Variants in CLEC4F observed in about 807,000 individuals in gnomAD.
CLEC4F encodes C-type lectin domain family 4 member F, also known as C-type (calcium dependent, carbohydrate-recognition domain) lectin, superfamily member 13.
Under a neutral mutation model 53.4 loss-of-function variants are expected in CLEC4F, and 45 were observed. That is an observed-to-expected ratio of 0.84 (90% CI 0.66 to 1.08). The LOEUF is 1.08. Ranked by LOEUF, CLEC4F falls within the 50% of genes least tolerant of loss-of-function variation. The probability of loss-of-function intolerance (pLI) is 0.00; values close to 1 mark genes in which losing one functional copy is unlikely to be tolerated. For synonymous variants in CLEC4F, 245 were observed against 257.5 expected, an observed-to-expected ratio of 0.95 and a Z score of 0.46; for missense variants, 753 against 698.2, an observed-to-expected ratio of 1.08 and a Z score of -0.88.
At chr2:70,820,735 A>C, upstream of CLEC4F, 1 of 512,688 alleles carries the variant, frequency 2.0e-6, no homozygotes, top group Non-Finnish European at 3.5e-6. Context: ...CATCTGCCCT[A>C]TTTTCTTCCT....
intron 5 of CLEC4F, chr2:70,811,572 G>T (rs183060048): frequency 6.2e-6 from 2 of 325,040 alleles, no homozygotes; most frequent in Non-Finnish European, 1.2e-5. Flanking sequence ...GAGCCAACAG[G>T]GGGGTAGGCA....
upstream of CLEC4F, among the ~76,000 whole-genome samples, chr2:70,822,717 C>T (rs1224879457): frequency 1.3e-5 from 2 of 152,244 alleles, no homozygotes; most frequent in African/African-American, 2.4e-5. Context: ...TTTTCTTTCA[C>T]TTTGGAAAGT....
intron 2 of CLEC4F, 41 bp downstream of exon 2, chr2:70,819,734 G>C (rs572112977): frequency 1.2e-4 from 172 of 1,428,314 alleles, no homozygotes; most frequent in Non-Finnish European, 1.6e-4. Flanking sequence ...TGTGCTGAAA[G>C]GAGAGAAAGT....
intron 5 of CLEC4F, chr2:70,811,087 A>G: frequency 1.5e-6 from 1 of 682,576 alleles, no homozygotes; most frequent in South Asian, 1.3e-5. Context: ...TGCAGCACCA[A>G]CAAGTGTGTG....
chr2:70,813,077 C>T (rs2104638726), intron 4 of CLEC4F, among the ~76,000 whole-genome samples: 1 of 152,364 alleles, frequency 6.6e-6, no homozygotes, highest in East Asian at 1.9e-4. Flanking sequence ...TCTTATAGCT[C>T]ATCCTGTGAG....
intron 5 of CLEC4F, among the ~76,000 whole-genome samples, chr2:70,811,657 C>G (rs868977181): frequency 6.6e-6 from 1 of 152,194 alleles, no homozygotes; most frequent in Non-Finnish European, 1.5e-5. Context: ...ATAAGGACCA[C>G]GACAGTGAGC....
chr2:70,823,967 T>A (rs1574388882), upstream of CLEC4F, among the ~76,000 whole-genome samples: 1 of 137,318 alleles, frequency 7.3e-6, no homozygotes, highest in Admixed American at 8.3e-5. Flanking sequence ...GAGGCGGAGG[T>A]GGCAGTGAGC....
Position 70,819,808 on chromosome 2 carries a change from A to C in CLEC4F, c.145T>G (p.Leu49Val), listed in dbSNP as rs1252743097. Residue 49 changes from leucine (L) to valine (V), a missense_variant, in exon 2 of 7, where the codon TTG (leucine) becomes GTG (valine). Physicochemically the swap from Leu to Val is conservative, Grantham distance 32. Coordinates refer to ENST00000272367, the MANE Select transcript of CLEC4F (RefSeq NM_173535.3). ...QATPAFMAVT[L>V]VFSLVTLFVV... ...AAGAGAGTCACAAGAGAGAAGACCA[A>C]GGTCACAGCCATAAATGCCGGGGTA... 1 of 1,606,156 alleles carries C rather than the reference A, an allele frequency of 6.2e-7. No homozygotes were observed. The highest frequency in any genetic ancestry group is 8.5e-7 in the Non-Finnish European group (1 of 1,176,656).
In CLEC4F at chr2:70,816,687, T is replaced by C. The variant is rs782190255; in HGVS notation, c.694A>G (p.Ser232Gly). Reference sequence around the variant, plus strand: ...GCCTGGGTATTTGCCGTTTCCAAACTGGCATTCAACATCTGAATTTCAGAG... The same window carrying C: ...GCCTGGGTATTTGCCGTTTCCAAACCGGCATTCAACATCTGAATTTCAGAG... Reference protein sequence around the residue: ...ANSEIQMLNASLETANTQAQL... With the variant: ...ANSEIQMLNAGLETANTQAQL... The change falls in exon 4 of 7, where the codon AGT becomes GGT. Residue 232 changes from serine (S) to glycine (G), a missense_variant. Ser to Gly is a moderately conservative substitution (Grantham distance 56, BLOSUM62 0). Transcript: ENST00000272367. 6.2e-7 allele frequency: 1 copy of C among 1,614,212 alleles called. No individual in the cohort carries two copies. Among genetic ancestry groups the C allele is most frequent in the Middle Eastern group, 1.6e-4 (1 of 6,062 alleles).
At chr2:70,821,324 T>C (rs1337105652), upstream of CLEC4F, among the ~76,000 whole-genome samples, 2 of 152,140 alleles carry the variant, frequency 1.3e-5, no homozygotes, top group Non-Finnish European at 2.9e-5. Flanking sequence ...TGACACAGGG[T>C]GGACCCTTAG....
chr2:70,808,946 C>A lies in CLEC4F; in HGVS notation c.*325G>T. The A allele has an allele frequency of 1.2e-6, 1 of 866,510 alleles. No individual in the cohort carries two copies. Among genetic ancestry groups the A allele is most frequent in the Non-Finnish European group, 1.8e-6 (1 of 555,242 alleles). 53.7% of individuals were successfully genotyped at this position (866,510 alleles called of 1,614,324 possible). A position where few individuals can be genotyped will look rare whatever the true frequency, so the allele number is the denominator to read the frequency against. ...GCCTGCCCTCAGGCCACACCCTGGCCCATGGGCTTCTTGCACACCCACTGA... is the reference window on the plus strand; with the variant it reads ...GCCTGCCCTCAGGCCACACCCTGGCACATGGGCTTCTTGCACACCCACTGA... On this transcript the variant is annotated 3_prime_UTR_variant, in exon 7 of 7. Transcript: ENST00000272367.
At chr2:70,815,970 A>G in intron 4 of CLEC4F, 24 bp downstream of exon 4, 1 of 1,598,110 alleles carries the variant, frequency 6.3e-7, no homozygotes, top group Non-Finnish European at 8.5e-7. Flanking sequence ...CCCTCCCCAA[A>G]CGCGACTCCC....
chr2:70,811,222 G>T, intron 5 of CLEC4F: 1 of 798,824 alleles, frequency 1.3e-6, no homozygotes. Context: ...AAGTTTGACA[G>T]CAAGTCCAAT....
upstream of CLEC4F, among the ~76,000 whole-genome samples, chr2:70,824,046 GAA>G (rs1187004796): frequency 2.7e-5 from 2 of 75,084 alleles, no homozygotes; most frequent in Admixed American, 1.5e-4. Flanking sequence ...AAGAAAGAAA[GAA>G]AGAAAGAAAG....
chr2:70,816,062 T>A lies in CLEC4F; in HGVS notation c.1319A>T (p.Gln440Leu), dbSNP rs1553395695. The A allele has an allele frequency of 1.9e-6, 3 of 1,614,234 alleles. No individual in the cohort carries two copies. Among genetic ancestry groups the A allele is most frequent in the Admixed American group, 3.3e-5 (2 of 60,032 alleles). ...GAGGGTCTTCAGGCGACTCTGCTCC[T>A]GCTGGATTTCCATGGTTAGAGCTTT... The part of the protein sequence containing the change: ...NTKALTMEIQ[Q>L]EQSRLKTLHV... Residue 440 changes from glutamine (Q) to leucine (L), a missense_variant, in exon 4 of 7, where the codon CAG (glutamine) becomes CTG (leucine). Coordinates refer to ENST00000272367, the MANE Select transcript of CLEC4F (RefSeq NM_173535.3).
Position 70,809,047 on chromosome 2 carries a change from C to T in CLEC4F, c.*224G>A, listed in dbSNP as rs1447105504. ...GTCTTCAGTCTGCCCATTCTTGTGC[C>T]GCCAGTTGTCAGACTGATTCTTTTC... On this transcript the variant is annotated 3_prime_UTR_variant, in exon 7 of 7. Transcript: ENST00000272367. The T allele has an allele frequency of 1.8e-5, 28 of 1,517,822 alleles. No individual in the cohort carries two copies. The highest frequency in any genetic ancestry group is 8.4e-5 in the South Asian group (7 of 83,314). 94.0% of individuals were successfully genotyped at this position (1,517,822 alleles called of 1,614,324 possible). A position where few individuals can be genotyped will look rare whatever the true frequency, so the allele number is the denominator to read the frequency against.
chr2:70,809,893 T>G (rs1440892979), intron 5 of CLEC4F, 36 bp from the exon 6 acceptor site: 2 of 1,468,974 alleles, frequency 1.4e-6, no homozygotes, highest in African/African-American at 2.8e-5. Context: ...TGCCCCTGTG[T>G]GTGGGGAGCC....
intron 3 of CLEC4F, among the ~76,000 whole-genome samples, chr2:70,818,444 G>A (rs1677047580): frequency 6.6e-6 from 1 of 152,160 alleles, no homozygotes; most frequent in Admixed American, 6.5e-5. Context: ...GGGCATGGTG[G>A]CTCACGCCTG....
Position 70,816,376 on chromosome 2 carries a change from T to G in CLEC4F, c.1005A>C (p.Lys335Asn), listed in dbSNP as rs1553395926. Residue 335 changes from lysine to asparagine, a missense_variant, in exon 4 of 7, where the codon AAA becomes AAC. Physicochemically the swap from Lys to Asn is moderately conservative, Grantham distance 94. Transcript: ENST00000272367. The part of the protein sequence containing the change: ...ERAGDEIHVL[K>N]RDLKMVTAQT... ...GGGCTGTGACCATTTTCAAATCCCT[T>G]TTTAACACGTGAATTTCATCACCAG... is the stretch of plus-strand genomic sequence containing the variant. 1 of 1,613,972 alleles carries G rather than the reference T, an allele frequency of 6.2e-7. No individual in the cohort carries two copies. The highest frequency in any genetic ancestry group is 8.5e-7 in the Non-Finnish European group (1 of 1,179,966).
Sources: allele counts gnomAD v4.1 joint callset (sites outside exome capture counted in the v4.1 genomes callset), GRCh38; gene constraint gnomAD v4.1.1; transcripts MANE v1.5; gene names NCBI Gene and HGNC (gene_info 2026-07-23, HGNC 2026-07-21).